ODAD2: variants seen among roughly 807,000 people sequenced by gnomAD.
ODAD2 encodes the protein outer dynein arm docking complex subunit 2, also known as outer dynein arm-docking complex subunit 2.
ODAD2 carries 89 observed loss-of-function variants against 106.8 expected under a neutral mutation model. The ratio of observed to expected loss-of-function variants is 0.83; its 90% CI spans 0.70 to 0.99. The LOEUF (loss-of-function observed/expected upper bound fraction) is 0.99. Among genes scored for constraint, ODAD2 ranks in the 50% least tolerant of loss-of-function variants. ODAD2 has a pLI of 0.00. For synonymous variants in ODAD2, 404 were observed against 436.2 expected (o/e 0.93, Z 0.92); for missense variants, 1,168 against 1,238.5 (o/e 0.94, Z 0.85).
At chr10:27,821,188 G>T (rs1224386728) in intron 19 of ODAD2, among the ~76,000 whole-genome samples, 3 of 152,132 alleles carry the variant, frequency 2.0e-5, no homozygotes, top group East Asian at 3.9e-4. Flanking sequence ...TGTAGAATTG[G>T]AAGTCTAGAA....
chr10:27,940,482 A>G (rs1359784069), intron 13 of ODAD2, 81 bp downstream of exon 13: 10 of 1,535,150 alleles, frequency 6.5e-6, no homozygotes, highest in East Asian at 2.3e-5. Context: ...TCCTTGAGCC[A>G]TCATGATAAC....
intron 10 of ODAD2, among the ~76,000 whole-genome samples, chr10:27,953,205 G>T (rs950337343): frequency 6.6e-6 from 1 of 152,052 alleles, no homozygotes; most frequent in Non-Finnish European, 1.5e-5. Context: ...TGTTTTAAGT[G>T]CACAATATAT....
chr10:27,955,276 T>C (rs563688699), intron 10 of ODAD2, among the ~76,000 whole-genome samples: 1 of 152,246 alleles, frequency 6.6e-6, no homozygotes, highest in Admixed American at 6.5e-5. Context: ...CACAGTCTAA[T>C]ATGGCCTTCC....
At chr10:27,931,152 G>T (rs1845591303) in intron 16 of ODAD2, among the ~76,000 whole-genome samples, 1 of 152,128 alleles carries the variant, frequency 6.6e-6, no homozygotes, top group Admixed American at 6.5e-5. Flanking sequence ...AAGAAAGGTT[G>T]ACTATGCTTC....
chr10:27,867,771 GA>G (rs1202107583), intron 17 of ODAD2, among the ~76,000 whole-genome samples: 2 of 152,082 alleles, frequency 1.3e-5, no homozygotes, highest in Non-Finnish European at 2.9e-5. Context: ...CCAACAAAGT[GA>G]AATCCCATCT....
intron 10 of ODAD2, among the ~76,000 whole-genome samples, chr10:27,950,821 T>C (rs1847279449): frequency 6.6e-6 from 1 of 152,132 alleles, no homozygotes; most frequent in African/African-American, 2.4e-5. Context: ...GTTCTAGTCA[T>C]TGCAATGCAG....
chr10:27,997,601 G>C (rs1456128821), intron 1 of ODAD2: 1 of 152,158 alleles, frequency 6.6e-6, no homozygotes, highest in Non-Finnish European at 1.5e-5. Context: ...TATTCAAATT[G>C]TATTTCCAAG....
At chr10:27,875,792 C>G (rs1564454911) in intron 17 of ODAD2, among the ~76,000 whole-genome samples, 1 of 152,178 alleles carries the variant, frequency 6.6e-6, no homozygotes, top group Admixed American at 6.5e-5. Flanking sequence ...ATTCCCTTTC[C>G]TAGCCAAGGG....
At chr10:27,923,950 GAAAGAAAGA>G (rs1468412872) in intron 16 of ODAD2, among the ~76,000 whole-genome samples, 1 of 37,734 alleles carries the variant, frequency 2.7e-5, no homozygotes, top group Non-Finnish European at 5.0e-5. Flanking sequence ...TCTAATGAAA[GAAAGAAAGA>G]AAGAAAGAAA....
chr10:27,865,391 C>T (rs1840367661), intron 17 of ODAD2, among the ~76,000 whole-genome samples: 1 of 152,222 alleles, frequency 6.6e-6, no homozygotes, highest in Non-Finnish European at 1.5e-5. Context: ...CATGTCTCCA[C>T]AAGTCTGCAC....
In ODAD2 at chr10:27,924,030, G is replaced by GAGAGAA. The variant is rs1554810904; in HGVS notation, c.2495+10979_2495+10980insTTCTCT. On this transcript the variant is annotated intron_variant, in intron 16 of 19. Coordinates refer to ENST00000305242, the MANE Select transcript of ODAD2 (RefSeq NM_018076.5). ...AGAAAGAAAGAAAGAAAGAAGGAAA[G>GAGAGAA]AGAAAGAAAGAAGGAAAGAGAAAGA... Among the ~76,000 whole-genome samples, 71 of 103,868 alleles carry GAGAGAA rather than the reference G, an allele frequency of 6.8e-4. 3 individuals carry two copies. The highest frequency in any genetic ancestry group is 1.4e-3 in the Admixed American group (13 of 9,568). 68.1% of individuals were successfully genotyped at this position (103,868 alleles called of 152,430 possible).
At chr10:27,856,364 TACCAGTATTTAAAC>T (rs1839654932) in intron 19 of ODAD2, among the ~76,000 whole-genome samples, 1 of 152,172 alleles carries the variant, frequency 6.6e-6, no homozygotes, top group African/African-American at 2.4e-5. Context: ...GTTGACCTCT[TACCAGTATTTAAAC>T]ACAAACCCTT....
At chr10:27,885,470 A>G (rs1842010137) in intron 17 of ODAD2, among the ~76,000 whole-genome samples, 1 of 124,694 alleles carries the variant, frequency 8.0e-6, no homozygotes. Context: ...AGATCTCACC[A>G]CTGCACTTCA....
intron 2 of ODAD2, among the ~76,000 whole-genome samples, chr10:27,990,833 T>C (rs1213095785): frequency 6.6e-6 from 1 of 152,182 alleles, no homozygotes; most frequent in Admixed American, 6.5e-5. Flanking sequence ...TCCCAACTCC[T>C]ACCAGAATAT....
chr10:27,876,076 G>T (rs10826355), intron 17 of ODAD2, among the ~76,000 whole-genome samples: 78,143 of 152,032 alleles, frequency 0.51, 22,408 homozygotes, highest in Middle Eastern at 0.68. Context: ...GCCCACTGCA[G>T]CTCAAGGATG....
At chr10:27,850,955 C>T (rs146250408) in intron 19 of ODAD2, among the ~76,000 whole-genome samples, 2 of 152,284 alleles carry the variant, frequency 1.3e-5, no homozygotes, top group East Asian at 3.9e-4. Context: ...GGGAGAACCA[C>T]AGCCACTAGA....
At chr10:27,914,242 T>C (rs1322203372) in intron 16 of ODAD2, among the ~76,000 whole-genome samples, 2 of 152,262 alleles carry the variant, frequency 1.3e-5, no homozygotes, top group Non-Finnish European at 2.9e-5. Flanking sequence ...TATCTAGTTG[T>C]CCAACTTTCA....
intron 16 of ODAD2, among the ~76,000 whole-genome samples, chr10:27,926,351 G>A (rs368873346): frequency 5.9e-5 from 9 of 151,696 alleles, no homozygotes; most frequent in African/African-American, 1.7e-4. Flanking sequence ...AGAATTCAAC[G>A]GAGCTCATTA....
intron 1 of ODAD2, among the ~76,000 whole-genome samples, chr10:27,998,397 G>C (rs1850680884): frequency 6.6e-6 from 1 of 152,156 alleles, no homozygotes; most frequent in African/African-American, 2.4e-5. Context: ...ATTCGGTAAG[G>C]GGACGAGGAG....
Sources: allele counts gnomAD v4.1 joint callset (sites outside exome capture counted in the v4.1 genomes callset), GRCh38; gene constraint gnomAD v4.1.1; transcripts MANE v1.5; gene names NCBI Gene and HGNC (gene_info 2026-07-23, HGNC 2026-07-21).